PARD3: variants seen among roughly 807,000 people sequenced by gnomAD.
PARD3 encodes the protein partitioning defective 3 homolog.
A neutral mutation model predicts 155.4 loss-of-function variants in PARD3; 75 were observed. The observed-to-expected ratio is 0.48, with a 90% CI of 0.40 to 0.58. The LOEUF is 0.58. Ranked by LOEUF, PARD3 falls within the 20% of genes least tolerant of loss-of-function variation. The pLI is 0.00. For synonymous variants in PARD3, 576 were observed against 610.5 expected (o/e 0.94, Z 0.83); for missense variants, 1,642 against 1,721.7 (o/e 0.95, Z 0.82).
At chr10:34,392,355 T>C (rs770009645) in intron 7 of PARD3, among the ~76,000 whole-genome samples, 5 of 152,204 alleles carry the variant, frequency 3.3e-5, no homozygotes, top group Admixed American at 6.5e-5. Flanking sequence ...CTTCACCTGA[T>C]ATTCTGAATA....
chr10:34,750,462 AACACACACACAC>A (rs71033348), intron 1 of PARD3, among the ~76,000 whole-genome samples: 1,618 of 135,864 alleles, frequency 0.012, 41 homozygotes, highest in African/African-American at 0.037. Context: ...CTCTCTTTCA[AACACACACACAC>A]ACACACACAC....
At chr10:34,716,326 T>G (rs769296000) in intron 1 of PARD3, among the ~76,000 whole-genome samples, 6 of 152,184 alleles carry the variant, frequency 3.9e-5, no homozygotes, top group African/African-American at 1.2e-4. Context: ...TAATATTCCC[T>G]AGGATACTTT....
At chr10:34,590,283 C>T (rs964188997) in intron 2 of PARD3, among the ~76,000 whole-genome samples, 4 of 152,184 alleles carry the variant, frequency 2.6e-5, no homozygotes, top group African/African-American at 9.7e-5. Flanking sequence ...AACGTCCACT[C>T]AAAGAATCCT....
chr10:34,452,410 A>T (rs1054006322), intron 4 of PARD3, among the ~76,000 whole-genome samples: 1 of 152,230 alleles, frequency 6.6e-6, no homozygotes, highest in African/African-American at 2.4e-5. Flanking sequence ...GAAATAATTC[A>T]GGCAAAGATA....
chr10:34,336,665 T>C (rs1267399847), intron 17 of PARD3, among the ~76,000 whole-genome samples: 1 of 152,100 alleles, frequency 6.6e-6, no homozygotes, highest in Non-Finnish European at 1.5e-5. Context: ...GATTTGGATT[T>C]AAAGAGACAC....
intron 22 of PARD3, among the ~76,000 whole-genome samples, chr10:34,139,187 AG>A (rs1467972458): frequency 6.6e-6 from 1 of 152,224 alleles, no homozygotes; most frequent in East Asian, 1.9e-4. Flanking sequence ...AGGAGAAGAT[AG>A]TAGGTTAAAG....
intron 14 of PARD3, among the ~76,000 whole-genome samples, chr10:34,352,614 C>T (rs888573968): frequency 4.6e-5 from 7 of 152,328 alleles, no homozygotes; most frequent in African/African-American, 1.2e-4. Context: ...CCCGAGGTGC[C>T]GGGATTGCAG....
At chr10:34,351,729 A>G (rs189893464) in intron 14 of PARD3, among the ~76,000 whole-genome samples, 1 of 152,356 alleles carries the variant, frequency 6.6e-6, no homozygotes, top group Admixed American at 6.5e-5. Flanking sequence ...ATTGTACACT[A>G]CTTCCCAACG....
chr10:34,442,055 C>A (rs2076492109), intron 5 of PARD3, among the ~76,000 whole-genome samples: 1 of 152,174 alleles, frequency 6.6e-6, no homozygotes, highest in Non-Finnish European at 1.5e-5. Flanking sequence ...ATAAACACGA[C>A]TATTTTGCTT....
rs557438353 is a variant in PARD3 at position 34,605,293 on chromosome 10, C to T, written c.223-88134G>A. Among the ~76,000 whole-genome samples the T allele has an allele frequency of 3.2e-4, 47 of 146,162 alleles. No individual in the cohort carries two copies. In the East Asian group the frequency reaches 7.9e-3, roughly 25 times the overall value. ...CTGCAAGCTCCACCTCCGGGGTTCA[C>T]GCCATTCTCCTGCCTCAGCCTCCCG... On this transcript the variant is annotated intron_variant, in intron 2 of 24. Coordinates refer to ENST00000374788, the MANE Select transcript of PARD3 (RefSeq NM_001184785.2).
chr10:34,585,463 T>C (rs557178503), intron 2 of PARD3, among the ~76,000 whole-genome samples: 2 of 152,228 alleles, frequency 1.3e-5, no homozygotes, highest in Admixed American at 6.5e-5. Context: ...AAAAATCTGC[T>C]AAACTTCACC....
chr10:34,359,304 C>A lies in PARD3; in HGVS notation c.1910G>T (p.Arg637Leu). The change falls in exon 14 of 25, where the codon CGG becomes CTG. Residue 637 changes from arginine (R) to leucine (L), a missense_variant. Transcript: ENST00000374788. ...GGAASKDGRLRVNDQLIAVNG... is the reference protein window; with the variant it reads ...GGAASKDGRLLVNDQLIAVNG... The stretch of plus-strand genomic sequence containing the variant: ...TACTGCTATCAGTTGATCATTCACC[C>A]GAAGCCTTCCATCCTGGGAAGAAAA... 6.2e-7 allele frequency: 1 copy of A among 1,613,164 alleles called. No homozygotes were observed.
chr10:34,197,575 C>T (rs1951006615), intron 22 of PARD3, among the ~76,000 whole-genome samples: 1 of 152,254 alleles, frequency 6.6e-6, no homozygotes, highest in South Asian at 2.1e-4. Flanking sequence ...CATCCCTTCT[C>T]TCTTACTTAG....
intron 23 of PARD3, among the ~76,000 whole-genome samples, chr10:34,122,763 C>T (rs1466721138): frequency 6.6e-6 from 1 of 152,172 alleles, no homozygotes; most frequent in African/African-American, 2.4e-5. Context: ...GAATAAAAAT[C>T]ACCCCTCTAA....
At chr10:34,163,129 C>T (rs375416390) in intron 22 of PARD3, among the ~76,000 whole-genome samples, 4 of 152,134 alleles carry the variant, frequency 2.6e-5, no homozygotes, top group East Asian at 3.8e-4. Flanking sequence ...AAGACAATGG[C>T]GTTTCAGTCC....
At chr10:34,621,055 T>G (rs1188941946) in intron 2 of PARD3, among the ~76,000 whole-genome samples, 1 of 152,146 alleles carries the variant, frequency 6.6e-6, no homozygotes, top group African/African-American at 2.4e-5. Flanking sequence ...CCAGTAACAG[T>G]ACATTGGAGA....
At chr10:34,647,990 A>G (rs2092896413) in intron 2 of PARD3, among the ~76,000 whole-genome samples, 1 of 152,214 alleles carries the variant, frequency 6.6e-6, no homozygotes, top group South Asian at 2.1e-4. Flanking sequence ...CTGTACATGT[A>G]GATATGTGCC....
chr10:34,381,805 G>A (rs1220543703), intron 9 of PARD3, among the ~76,000 whole-genome samples: 1 of 150,718 alleles, frequency 6.6e-6, no homozygotes, highest in African/African-American at 2.4e-5. Context: ...GGCGGCATGT[G>A]CCTCTAGTCA....
chr10:34,475,922 A>C (rs1392044607), intron 3 of PARD3, among the ~76,000 whole-genome samples: 1 of 152,180 alleles, frequency 6.6e-6, no homozygotes. Flanking sequence ...TCCGTATTTC[A>C]AATGAAAACG....
Sources: allele counts gnomAD v4.1 joint callset (sites outside exome capture counted in the v4.1 genomes callset), GRCh38; gene constraint gnomAD v4.1.1; transcripts MANE v1.5; gene names NCBI Gene and HGNC (gene_info 2026-07-23, HGNC 2026-07-21).